Variants in NRXN1 observed in about 807,000 individuals in gnomAD.
NRXN1 encodes neurexin 1, also known as neurexin-1.
A neutral mutation model predicts 150.9 loss-of-function variants in NRXN1; 39 were observed. The ratio of observed to expected loss-of-function variants is 0.26; its 90% CI spans 0.20 to 0.34. NRXN1 has a LOEUF of 0.34. Among genes scored for constraint, NRXN1 ranks in the 10% least tolerant of loss-of-function variants. The pLI, the probability that NRXN1 is intolerant of heterozygous loss-of-function variation, is 1.00. For synonymous variants in NRXN1, 924 were observed against 757.0 expected (o/e 1.22, Z -3.62); for missense variants, 1,815 against 1,949.9 (o/e 0.93, Z 1.30).
chr2:50,108,728 A>T (rs1701993163), intron 18 of NRXN1, among the ~76,000 whole-genome samples: 1 of 152,130 alleles, frequency 6.6e-6, no homozygotes, highest in South Asian at 2.1e-4. Context: ...CCAACTGCCA[A>T]CATCATGCTT....
intron 20 of NRXN1, 34 bp downstream of exon 20, chr2:50,054,921 T>C: frequency 7.3e-7 from 1 of 1,370,994 alleles, no homozygotes. Flanking sequence ...TTCAAATTAT[T>C]TTTTTATTTG....
At chr2:50,329,613 GTGTGTATATATATATATATATATA>G (rs2076643360) in intron 17 of NRXN1, among the ~76,000 whole-genome samples, 3 of 18,696 alleles carry the variant, frequency 1.6e-4, no homozygotes, top group African/African-American at 7.2e-4. Flanking sequence ...GTGTGTGTGT[GTGTGTATATATATATATATATATA>G]TATATATATA....
At chr2:50,554,895 A>C (rs1474927341) in intron 8 of NRXN1, among the ~76,000 whole-genome samples, 1 of 152,200 alleles carries the variant, frequency 6.6e-6, no homozygotes, top group South Asian at 2.1e-4. Flanking sequence ...ATCTATTGAC[A>C]ACAAAAGAAG....
rs1277681412 is a variant in NRXN1 at position 50,275,979 on chromosome 2, C to T, written c.3365-39009G>A. On this transcript the variant is annotated intron_variant, in intron 17 of 22. Transcript: ENST00000401669. ...ATAATTATCATATTATTACCCATTC[C>T]TACCTTGCAAAAAAAAAAAAAAAGC... Among the ~76,000 whole-genome samples the T allele has an allele frequency of 3.0e-5, 3 of 98,792 alleles. No individual in the cohort carries two copies. In the South Asian group the frequency reaches 1.3e-3, roughly 42 times the overall value. 64.8% of individuals were successfully genotyped at this position (98,792 alleles called of 152,430 possible).
intron 2 of NRXN1, among the ~76,000 whole-genome samples, chr2:51,008,319 T>A (rs1385718958): frequency 6.6e-6 from 1 of 151,958 alleles, no homozygotes. Context: ...CCATAGAACC[T>A]GCCTGAGCTA....
intron 5 of NRXN1, among the ~76,000 whole-genome samples, chr2:50,839,743 T>C (rs753728686): frequency 6.6e-6 from 1 of 152,164 alleles, no homozygotes; most frequent in Non-Finnish European, 1.5e-5. Context: ...CTTGTCATTA[T>C]TGAGCTTATG....
intron 5 of NRXN1, among the ~76,000 whole-genome samples, chr2:50,733,704 T>A (rs140580292): frequency 6.6e-6 from 1 of 152,112 alleles, no homozygotes; most frequent in Non-Finnish European, 1.5e-5. Flanking sequence ...TTAGAGAAGA[T>A]TAATATTTGA....
At chr2:50,849,938 G>A (rs1674263623) in intron 5 of NRXN1, among the ~76,000 whole-genome samples, 2 of 152,062 alleles carry the variant, frequency 1.3e-5, no homozygotes. Context: ...CAGGTGTGGT[G>A]CTCATACCTG....
chr2:50,535,127 C>T (rs1486222918), intron 10 of NRXN1, among the ~76,000 whole-genome samples: 2 of 152,266 alleles, frequency 1.3e-5, no homozygotes, highest in East Asian at 1.9e-4. Flanking sequence ...ATGGAAAATG[C>T]ACAGGGTTGT....
chr2:50,745,987 A>T (rs1699979580), intron 5 of NRXN1, among the ~76,000 whole-genome samples: 1 of 152,162 alleles, frequency 6.6e-6, no homozygotes, highest in Non-Finnish European at 1.5e-5. Context: ...CCAATGGGAC[A>T]ACTAGCCCAG....
intron 8 of NRXN1, among the ~76,000 whole-genome samples, chr2:50,590,624 C>T (rs1194397410): frequency 6.6e-6 from 1 of 152,110 alleles, no homozygotes; most frequent in Non-Finnish European, 1.5e-5. Flanking sequence ...GTGATGAGCT[C>T]ATGAGGGTGA....
At chr2:50,619,074 T>C (rs1020204209) in intron 8 of NRXN1, 1 of 152,250 alleles carries the variant, frequency 6.6e-6, no homozygotes, top group African/African-American at 2.4e-5. Flanking sequence ...GTAGTAATTG[T>C]TTTTCCCTAA....
At chr2:50,192,025 T>A in intron 18 of NRXN1, among the ~76,000 whole-genome samples, 1 of 152,184 alleles carries the variant, frequency 6.6e-6, no homozygotes, top group Non-Finnish European at 1.5e-5. Flanking sequence ...TAAAGTTTTT[T>A]TTTAAGTCCT....
chr2:50,752,587 A>G (rs1385370702), intron 5 of NRXN1, among the ~76,000 whole-genome samples: 4 of 151,880 alleles, frequency 2.6e-5, no homozygotes, highest in Non-Finnish European at 5.9e-5. Context: ...AAAAGAACCT[A>G]AAATTTCTAT....
At position 50,635,006 on chromosome 2, in the gene NRXN1, T is replaced by C. The variant is rs930789933; in HGVS notation, c.833-11391A>G. On this transcript the variant is annotated intron_variant, in intron 5 of 22. Coordinates refer to ENST00000401669, the MANE Select transcript of NRXN1 (RefSeq NM_001330078.2). ...GCTCTAACCTTCACACAACACCCCA[T>C]AGCATCTGGCTGCTCTAATCCCCTG... Among the ~76,000 whole-genome samples the C allele has an allele frequency of 7.2e-5, 11 of 152,032 alleles. No homozygotes were observed. In the South Asian group the frequency reaches 1.7e-3, roughly 23 times the overall value.
chr2:50,541,356 C>G (rs1429909339), intron 9 of NRXN1, among the ~76,000 whole-genome samples: 1 of 152,086 alleles, frequency 6.6e-6, no homozygotes, highest in Non-Finnish European at 1.5e-5. Flanking sequence ...CCCACTTTCT[C>G]CCTCTATTCC....
At chr2:50,184,285 T>C (rs1432379124) in intron 18 of NRXN1, among the ~76,000 whole-genome samples, 1 of 152,046 alleles carries the variant, frequency 6.6e-6, no homozygotes, top group Non-Finnish European at 1.5e-5. Flanking sequence ...ATTTTAAGTA[T>C]GCTACATAAC....
intron 17 of NRXN1, among the ~76,000 whole-genome samples, chr2:50,279,461 T>C (rs576419313): frequency 6.6e-6 from 1 of 152,196 alleles, no homozygotes; most frequent in Non-Finnish European, 1.5e-5. Flanking sequence ...ACTGTATGCA[T>C]TTGGCCTCCT....
chr2:50,970,394 T>G (rs180982948), intron 2 of NRXN1, among the ~76,000 whole-genome samples: 25 of 152,224 alleles, frequency 1.6e-4, no homozygotes, highest in Admixed American at 1.5e-3. Context: ...CCCACAACCG[T>G]ATATTTTGTA....
Sources: gnomAD v4.1 joint callset for allele counts (sites outside exome capture counted in the v4.1 genomes callset) on GRCh38, gnomAD v4.1.1 for gene constraint, MANE v1.5 for transcripts, NCBI Gene and HGNC (gene_info 2026-07-23, HGNC 2026-07-21) for gene names.